Variants in FAM81A observed in about 807,000 individuals in gnomAD.
FAM81A encodes family with sequence similarity 81 member A.
A neutral mutation model predicts 46.7 loss-of-function variants in FAM81A; 19 were observed. The ratio of observed to expected loss-of-function variants is 0.41; its 90% CI spans 0.28 to 0.60. FAM81A has a LOEUF of 0.60. Ranked by LOEUF, FAM81A falls within the 20% of genes least tolerant of loss-of-function variation. The probability of loss-of-function intolerance (pLI) is 0.34; values close to 1 mark genes in which losing one functional copy is unlikely to be tolerated. For missense variants in FAM81A, 377 were observed against 453.5 expected (o/e 0.83, Z 1.53); for synonymous variants, 183 against 152.9 (o/e 1.20, Z -1.45).
chr15:59,514,744 T>G (rs1222783897), intron 7 of FAM81A, among the ~76,000 whole-genome samples: 4 of 152,250 alleles, frequency 2.6e-5, no homozygotes, highest in Non-Finnish European at 5.9e-5. Flanking sequence ...CATTCTTGTT[T>G]GTTTTAATTT....
chr15:59,423,239 C>A (rs1179061072), intron 2 of FAM81A, among the ~76,000 whole-genome samples: 2 of 152,146 alleles, frequency 1.3e-5, no homozygotes, highest in Non-Finnish European at 2.9e-5. Context: ...CTTGGGACTA[C>A]AGGCGCCCGC....
chr15:59,510,123 T>A (rs370159658), intron 6 of FAM81A, among the ~76,000 whole-genome samples: 1 of 152,168 alleles, frequency 6.6e-6, no homozygotes, highest in Non-Finnish European at 1.5e-5. Context: ...CTCAGCACTC[T>A]GGGAGGCCAA....
intron 1 of FAM81A, chr15:59,439,881 A>G (rs773443932): frequency 6.6e-6 from 1 of 152,060 alleles, no homozygotes; most frequent in Non-Finnish European, 1.5e-5. Flanking sequence ...AGGCTGTGTC[A>G]CTCCGACCTG....
intron 2 of FAM81A, among the ~76,000 whole-genome samples, chr15:59,404,357 A>G (rs1271684377): frequency 6.6e-6 from 1 of 152,166 alleles, no homozygotes; most frequent in Non-Finnish European, 1.5e-5. Context: ...TCCATAGCCC[A>G]TATTTCTTCC....
At chr15:59,507,452 G>A in intron 5 of FAM81A, 110 bp downstream of exon 5, 7 of 1,357,630 alleles carry the variant, frequency 5.2e-6, no homozygotes, top group Middle Eastern at 1.9e-4. Context: ...ATCTAGCATG[G>A]GTTTATGCCA....
chr15:59,424,665 T>C (rs2081187885), intron 2 of FAM81A, among the ~76,000 whole-genome samples: 2 of 152,258 alleles, frequency 1.3e-5, no homozygotes, highest in South Asian at 2.1e-4. Context: ...GCTTACGTTA[T>C]AGAAGAAAAG....
intron 4 of FAM81A, among the ~76,000 whole-genome samples, chr15:59,502,895 T>A (rs2082109917): frequency 6.6e-6 from 1 of 152,042 alleles, no homozygotes; most frequent in African/African-American, 2.4e-5. Flanking sequence ...GCTTCTTTTT[T>A]TACAAAAGTA....
intron 2 of FAM81A, among the ~76,000 whole-genome samples, chr15:59,428,174 A>C (rs878888927): frequency 6.6e-6 from 1 of 152,210 alleles, no homozygotes; most frequent in African/African-American, 2.4e-5. Flanking sequence ...GCACCTTTTC[A>C]TACACCTGTT....
Position 59,514,470 on chromosome 15 carries a change from G to A in FAM81A, c.786+46G>A, listed in dbSNP as rs138735475. 6.5e-4 allele frequency: 1,018 copies of A among 1,576,536 alleles called. 3 individuals are homozygous for A. The African/African-American group carries it at 0.012, about 19-fold the overall frequency. On this transcript the variant is annotated intron_variant, in intron 7 of 8. Transcript: ENST00000288228. ...AAAATTTAGTAAAGTTATTCAGTGG[G>A]GGCCTACACTGTTTGAATAATAATA... is the stretch of plus-strand genomic sequence containing the variant.
At chr15:59,521,215 A>G (rs1180753209) in intron 8 of FAM81A, 39 bp from the exon 9 acceptor site, 1 of 1,583,720 alleles carries the variant, frequency 6.3e-7, no homozygotes, top group Non-Finnish European at 8.6e-7. Context: ...GCATTTTAAA[A>G]AAATTGTTAA....
chr15:59,473,998 T>A (rs1420313492), intron 3 of FAM81A, among the ~76,000 whole-genome samples: 1 of 152,162 alleles, frequency 6.6e-6, no homozygotes, highest in African/African-American at 2.4e-5. Flanking sequence ...AAATACATAA[T>A]TTCCAACTTC....
chr15:59,489,133 C>T lies in FAM81A; in HGVS notation c.295-3138C>T, dbSNP rs568081183. On this transcript the variant is annotated intron_variant, in intron 3 of 8. Coordinates refer to ENST00000288228, the MANE Select transcript of FAM81A (RefSeq NM_152450.3). ...ACAAAAAATTAGCCGGGCATAGTGG[C>T]GGGCGCCTGTAGTCCCAGCTACTCG... Among the ~76,000 whole-genome samples the T allele has an allele frequency of 8.6e-5, 13 of 151,816 alleles. No homozygotes were observed. In the East Asian group the frequency reaches 1.9e-3, roughly 23 times the overall value.
chr15:59,404,603 T>A (rs2081086355), intron 2 of FAM81A, among the ~76,000 whole-genome samples: 1 of 152,062 alleles, frequency 6.6e-6, no homozygotes, highest in African/African-American at 2.4e-5. Context: ...ACGACACATA[T>A]GCACCACTAC....
chr15:59,455,301 G>T (rs1379497180), intron 1 of FAM81A, among the ~76,000 whole-genome samples: 1 of 151,968 alleles, frequency 6.6e-6, no homozygotes, highest in Non-Finnish European at 1.5e-5. Context: ...AGTGGAGATT[G>T]TTTAATATAT....
chr15:59,445,189 C>T (rs2081341202), intron 1 of FAM81A: 2 of 152,310 alleles, frequency 1.3e-5, no homozygotes, highest in South Asian at 4.1e-4. Context: ...GACTGGTTGT[C>T]ACCCCCTGCC....
At chr15:59,461,922 G>A (rs569512078) in intron 3 of FAM81A, among the ~76,000 whole-genome samples, 1 of 152,280 alleles carries the variant, frequency 6.6e-6, no homozygotes, top group East Asian at 1.9e-4. Flanking sequence ...AAACATAGCT[G>A]GCAGGGCGCG....
At chr15:59,520,834 G>A (rs2082320286) in intron 8 of FAM81A, among the ~76,000 whole-genome samples, 1 of 152,174 alleles carries the variant, frequency 6.6e-6, no homozygotes, top group South Asian at 2.1e-4. Context: ...AAAGTGCTGG[G>A]ATTACTGGCA....
At chr15:59,461,487 A>G (rs1417464055) in intron 3 of FAM81A, among the ~76,000 whole-genome samples, 4 of 151,964 alleles carry the variant, frequency 2.6e-5, no homozygotes, top group Admixed American at 6.6e-5. Context: ...GTCCATCTAT[A>G]CTATAGTATT....
intron 1 of FAM81A, among the ~76,000 whole-genome samples, chr15:59,399,330 T>G (rs2081060714): frequency 6.6e-6 from 1 of 152,198 alleles, no homozygotes; most frequent in African/African-American, 2.4e-5. Flanking sequence ...CCAAATGGTC[T>G]CATCCAGCTG....
Sources: allele counts gnomAD v4.1 joint callset (sites outside exome capture counted in the v4.1 genomes callset), GRCh38; gene constraint gnomAD v4.1.1; transcripts MANE v1.5; gene names NCBI Gene and HGNC (gene_info 2026-07-23, HGNC 2026-07-21).